The following ANK2 variants were observed in gnomAD, a reference collection of about 807,000 sequenced individuals.
ANK2 encodes the protein ankyrin 2.
In ANK2, 83 loss-of-function variants were observed where a neutral mutation model predicts 360.5. The ratio of observed to expected loss-of-function variants is 0.23; its 90% CI spans 0.19 to 0.28. The LOEUF is 0.28. Ranked by LOEUF, ANK2 falls within the 10% of genes least tolerant of loss-of-function variation. The pLI, the probability that ANK2 is intolerant of heterozygous loss-of-function variation, is 1.00. For synonymous variants in ANK2, 1,740 were observed against 1,759.5 expected, an observed-to-expected ratio of 0.99 and a Z score of 0.28; for missense variants, 4,201 against 4,795.7, an observed-to-expected ratio of 0.88 and a Z score of 3.66.
At chr4:113,253,930 C>G (rs1474842284) in intron 10 of ANK2, among the ~76,000 whole-genome samples, 2 of 152,284 alleles carry the variant, frequency 1.3e-5, no homozygotes, top group Non-Finnish European at 2.9e-5. Context: ...CTCCCCTTAT[C>G]CATCCTCCTC....
chr4:113,207,757 G>A (rs2098971027), intron 4 of ANK2, among the ~76,000 whole-genome samples: 1 of 151,616 alleles, frequency 6.6e-6, no homozygotes, highest in African/African-American at 2.4e-5. Context: ...AAACTGATTG[G>A]AAGTAATAAT....
chr4:112,923,668 A>G (rs1185116315), intron 2 of ANK2, among the ~76,000 whole-genome samples: 1 of 152,198 alleles, frequency 6.6e-6, no homozygotes, highest in African/African-American at 2.4e-5. Context: ...TTGAACAGTG[A>G]AATGAACAAA....
At chr4:112,807,297 A>G in the ANK2 span, among the ~76,000 whole-genome samples, 6,925 of 152,280 alleles carry the variant, frequency 0.045, 401 homozygotes, top group African/African-American at 0.13. Context: ...ATTGAACTGA[A>G]TAAGATTTCA....
chr4:112,912,353 A>G (rs887302606), intron 2 of ANK2, among the ~76,000 whole-genome samples: 2 of 152,128 alleles, frequency 1.3e-5, no homozygotes, highest in African/African-American at 4.8e-5. Flanking sequence ...AAGATGACCA[A>G]ACCCTGATAC....
At chr4:112,867,522 G>T (rs1334271641) in intron 1 of ANK2, among the ~76,000 whole-genome samples, 1 of 151,804 alleles carries the variant, frequency 6.6e-6, no homozygotes, top group African/African-American at 2.4e-5. Context: ...TTTTCATCAT[G>T]CTAAAAAGAA....
At chr4:112,718,104 C>T in the ANK2 span, among the ~76,000 whole-genome samples, 13 of 152,162 alleles carry the variant, frequency 8.5e-5, no homozygotes, top group Admixed American at 7.2e-4. Flanking sequence ...AAGAATTATC[C>T]TGACCTTGAT....
chr4:113,081,646 T>G (rs1263746463), intron 1 of ANK2, among the ~76,000 whole-genome samples: 2 of 152,196 alleles, frequency 1.3e-5, no homozygotes, highest in African/African-American at 2.4e-5. Flanking sequence ...TCAGGGTGTT[T>G]AGATGATATA....
chr4:112,896,735 G>GT (rs573889410), intron 1 of ANK2, among the ~76,000 whole-genome samples: 13 of 152,080 alleles, frequency 8.5e-5, no homozygotes, highest in Non-Finnish European at 1.9e-4. Context: ...CAAACTGCCT[G>GT]TTTTTTTAGC....
At chr4:112,869,789 T>A (rs556410777) in intron 1 of ANK2, among the ~76,000 whole-genome samples, 4 of 152,060 alleles carry the variant, frequency 2.6e-5, no homozygotes, top group Non-Finnish European at 4.4e-5. Context: ...TTGAAGTGAT[T>A]CTCATGCCTC....
intron 1 of ANK2, among the ~76,000 whole-genome samples, chr4:112,843,771 T>G (rs2062692797): frequency 6.6e-6 from 1 of 152,136 alleles, no homozygotes; most frequent in Non-Finnish European, 1.5e-5. Context: ...TGTATTATAG[T>G]TTTTCGTTCT....
intron 1 of ANK2, among the ~76,000 whole-genome samples, chr4:113,093,786 C>T (rs1346657625): frequency 6.6e-6 from 1 of 152,218 alleles, no homozygotes; most frequent in Non-Finnish European, 1.5e-5. Context: ...CACAACAAAC[C>T]TTCACCAAAT....
intron 45 of ANK2, 121 bp downstream of exon 45, chr4:113,373,570 C>A (rs1292005044): frequency 2.8e-6 from 3 of 1,069,734 alleles, no homozygotes; most frequent in East Asian, 2.4e-5. Context: ...TGGCAGTTTG[C>A]TCTTAGTTGC....
chr4:112,950,182 T>G (rs1316725903), intron 2 of ANK2, among the ~76,000 whole-genome samples: 1 of 152,154 alleles, frequency 6.6e-6, no homozygotes, highest in Non-Finnish European at 1.5e-5. Flanking sequence ...ATATAAGCTT[T>G]TTGAGGTCAG....
chr4:112,901,502 T>C (rs567084283), intron 1 of ANK2, among the ~76,000 whole-genome samples: 12 of 152,312 alleles, frequency 7.9e-5, no homozygotes, highest in African/African-American at 2.9e-4. Flanking sequence ...ATCTGTCTAG[T>C]TAATTTTTTG....
chr4:112,904,207 TTC>T (rs2150916825), intron 1 of ANK2, among the ~76,000 whole-genome samples: 1 of 152,322 alleles, frequency 6.6e-6, no homozygotes, highest in Non-Finnish European at 1.5e-5. Context: ...AAAAATCTAT[TTC>T]TCTTACAGAT....
chr4:112,741,892 T>G, the ANK2 span, among the ~76,000 whole-genome samples: 4 of 152,326 alleles, frequency 2.6e-5, no homozygotes, highest in South Asian at 8.3e-4. Context: ...AAAGCATTCT[T>G]CTGATTTATT....
intron 2 of ANK2, among the ~76,000 whole-genome samples, chr4:112,983,730 CT>C (rs1206551766): frequency 6.6e-6 from 1 of 151,998 alleles, no homozygotes; most frequent in Non-Finnish European, 1.5e-5. Flanking sequence ...TAAGATTTAT[CT>C]CTTCCTGTTT....
chr4:112,808,126 G>A, the ANK2 span, among the ~76,000 whole-genome samples: 26 of 152,288 alleles, frequency 1.7e-4, 1 homozygote, highest in Non-Finnish European at 3.1e-4. Context: ...GCCAAGACAT[G>A]GGGATACAAA....
At chr4:112,925,455 A>C (rs913374892) in intron 2 of ANK2, among the ~76,000 whole-genome samples, 1 of 152,340 alleles carries the variant, frequency 6.6e-6, no homozygotes, top group Non-Finnish European at 1.5e-5. Flanking sequence ...TTGATACAAA[A>C]GATATATCTG....
Sources: allele counts gnomAD v4.1 joint callset (sites outside exome capture counted in the v4.1 genomes callset), GRCh38; gene constraint gnomAD v4.1.1; transcripts MANE v1.5; gene names NCBI Gene and HGNC (gene_info 2026-07-23, HGNC 2026-07-21).